Variants in SLC12A9 observed in about 807,000 individuals in gnomAD.
SLC12A9 encodes CCC-interacting protein 1.
Under a neutral mutation model 66.0 loss-of-function variants are expected in SLC12A9, and 55 were observed. The observed-to-expected ratio is 0.83, with a 90% CI of 0.67 to 1.04. The LOEUF (loss-of-function observed/expected upper bound fraction) is 1.04. Ranked by LOEUF, SLC12A9 falls within the 50% of genes least tolerant of loss-of-function variation. SLC12A9 has a pLI of 0.00. For missense variants in SLC12A9, 1,061 were observed against 1,241.9 expected (o/e 0.85, Z 2.19); for synonymous variants, 577 against 569.0 (o/e 1.01, Z -0.20).
At chr7:100,848,101 AAAAAAAAT>A (rs1312164607), upstream of SLC12A9, among the ~76,000 whole-genome samples, 128 of 145,504 alleles carry the variant, frequency 8.8e-4, 1 homozygote, top group African/African-American at 3.5e-3. Context: ...AAAAAAAAAA[AAAAAAAAT>A]AGAAAAAGAT....
chr7:100,855,296 A>C, intron 3 of SLC12A9: 1 of 104,796 alleles, frequency 9.5e-6, no homozygotes, highest in Non-Finnish European at 1.6e-5. Flanking sequence ...TTAATTTTTA[A>C]ATATTTGTAG....
intron 1 of SLC12A9, chr7:100,827,176 G>C (rs555390427): frequency 2.7e-6 from 2 of 750,400 alleles, no homozygotes; most frequent in Non-Finnish European, 3.7e-6. Flanking sequence ...CGAGCGTGCG[G>C]GGCACCGGGC....
rs979184496 is a variant in SLC12A9 at position 100,866,484 on chromosome 7, G to A, written c.2624G>A (p.Arg875Gln). 4.5e-6 allele frequency: 7 copies of A among 1,553,382 alleles called. No individual in the cohort carries two copies. The highest frequency in any genetic ancestry group is 1.4e-5 in the African/African-American group (1 of 73,356). The change falls in exon 14 of 14, where the codon CGG becomes CAG. Residue 875 changes from arginine to glutamine, a missense_variant. Transcript: ENST00000354161. This position sits in a 1 kb window ranked among gnomAD's most constrained non-coding sequence, Gnocchi z 7.3. ...ITALTFLYLPRPPADPARYPR... is the reference protein window; with the variant it reads ...ITALTFLYLPQPPADPARYPR... ...GCCCTCACCTTCCTGTACTTGCCTC[G>A]GCCGCCAGCCGATCCCGCCCGATAC...
chr7:100,863,289 C>T (rs1228053048), intron 13 of SLC12A9, among the ~76,000 whole-genome samples: 2 of 152,086 alleles, frequency 1.3e-5, no homozygotes, highest in African/African-American at 4.8e-5. Flanking sequence ...CAGTGTCGAG[C>T]TCCTGACCTC....
rs549664524 is a variant in SLC12A9, at chr7:100,831,063, T to C, written n.228+4016T>C. 1.4e-4 allele frequency among the ~76,000 whole-genome samples: 22 copies of C among 152,338 alleles called. No individual in the cohort carries two copies. In the South Asian group the frequency reaches 2.5e-3, roughly 17 times the overall value. On this transcript the variant is annotated intron_variant and non_coding_transcript_variant, in intron 1 of 1. Coordinates refer to the SLC12A9 transcript ENST00000461016. ...CTTTGCTGTTCCCTACCCAAAATATTAGGCTGTCACCTTTGTTCCCAGCCC... is the reference window on the plus strand; with the variant it reads ...CTTTGCTGTTCCCTACCCAAAATATCAGGCTGTCACCTTTGTTCCCAGCCC...
chr7:100,860,273 C>A, intron 9 of SLC12A9, 41 bp downstream of exon 9: 2 of 1,597,318 alleles, frequency 1.3e-6, no homozygotes, highest in Middle Eastern at 1.7e-4. Flanking sequence ...CTCACCCCAC[C>A]AGCTGGCAGG....
intron 1 of SLC12A9, among the ~76,000 whole-genome samples, chr7:100,838,546 C>T (rs1813714733): frequency 6.6e-6 from 1 of 152,068 alleles, no homozygotes; most frequent in African/African-American, 2.4e-5. Context: ...GAGACAGAGT[C>T]TCACTCTGTC....
At chr7:100,856,605 C>T (rs1160018685) in intron 4 of SLC12A9, 2 of 451,104 alleles carry the variant, frequency 4.4e-6, no homozygotes, top group Non-Finnish European at 8.0e-6. Flanking sequence ...ACTTCTGCCT[C>T]CCGGGCTCAT....
rs2116621661 is a variant in SLC12A9, at chr7:100,860,059, C to T, written c.1135+17C>T. ...ACCTCTTTGGTGGGTTCTCTGCCTC[C>T]TTGCTGGCTTGGAGCACGCCCTCCC... On this transcript the variant is annotated intron_variant, in intron 8 of 13. Transcript: ENST00000354161. The T allele has an allele frequency of 1.2e-6, 2 of 1,614,162 alleles. No individual in the cohort carries two copies. Among genetic ancestry groups the T allele is most frequent in the East Asian group, 2.2e-5 (1 of 44,882 alleles).
chr7:100,837,892 G>A (rs1263891676), intron 1 of SLC12A9, among the ~76,000 whole-genome samples: 10 of 98,308 alleles, frequency 1.0e-4, no homozygotes, highest in Non-Finnish European at 1.7e-4. Context: ...ACAGAGTCTT[G>A]CTCTGTTGCC....
intron 9 of SLC12A9, 200 bp from the exon 10 acceptor site, chr7:100,860,938 G>T: frequency 1.1e-6 from 1 of 886,708 alleles, no homozygotes; most frequent in Non-Finnish European, 1.8e-6. Context: ...CTTTGGGGGT[G>T]CACTGGCACT....
Position 100,865,929 on chromosome 7 carries a change from C to T in SLC12A9, c.2069C>T (p.Ala690Val), listed in dbSNP as rs1252497409. The T allele has an allele frequency of 4.3e-6, 7 of 1,613,452 alleles. No homozygotes were observed. Among genetic ancestry groups the T allele is most frequent in the Non-Finnish European group, 5.9e-6 (7 of 1,180,002 alleles). The change falls in exon 14 of 14, where the codon GCC becomes GTC. Residue 690 changes from alanine to valine, a missense_variant. By Grantham distance (64) the Ala-to-Val change is moderately conservative (BLOSUM62 0). Transcript: ENST00000354161. ...GACTATGTGGCCACGGTGGCCGACGCCCTCAAGATGAACAAGAATGTGGTG... is the reference window on the plus strand; with the variant it reads ...GACTATGTGGCCACGGTGGCCGACGTCCTCAAGATGAACAAGAATGTGGTG... ...PQDYVATVAD[A>V]LKMNKNVVLA...
rs1428570955 is a variant in SLC12A9 at position 100,866,095 on chromosome 7, C to T, written c.2235C>T (p.Gly745=). 6.2e-6 allele frequency: 10 copies of T among 1,612,918 alleles called. No individual in the cohort carries two copies. The Admixed American group carries it at 1.5e-4, about 24-fold the overall frequency. Residue 745 remains glycine (G), a synonymous_variant, in exon 14 of 14, where the codon GGC becomes GGT. Transcript: ENST00000354161. This position sits in a 1 kb window ranked among gnomAD's most constrained non-coding sequence, Gnocchi z 7.3. ...GGCCCGGCTATGTGGATGTCTGCGG[C>T]CTCTTCCTGCTGCAGATGGCAACCA... The part of the protein sequence containing the change: ...RGGPGYVDVC[G]LFLLQMATIL...
rs1813414647 is a variant in SLC12A9 at position 100,826,910 on chromosome 7, C to T, written n.91C>T. On this transcript the variant is annotated non_coding_transcript_exon_variant, in exon 1 of 2. Transcript: ENST00000461016. ...TAGTCAGAGGCCGGCCCCTCCACTC[C>T]GAGGCCCAGATGTTGGGGGGGAGGT... is the stretch of plus-strand genomic sequence containing the variant. The T allele has an allele frequency of 2.6e-5, 40 of 1,522,346 alleles. No homozygotes were observed. In the South Asian group the frequency reaches 4.8e-4, roughly 18 times the overall value. The allele number at this position is 1,522,346 out of a possible 1,614,324, so 94.3% of individuals were successfully genotyped here.
At chr7:100,839,023 C>T (rs1295611804) in intron 1 of SLC12A9, among the ~76,000 whole-genome samples, 6 of 152,086 alleles carry the variant, frequency 3.9e-5, no homozygotes, top group Non-Finnish European at 8.8e-5. Context: ...GTTGTGAGCC[C>T]TTAAAAAAAG....
intron 5 of SLC12A9, 102 bp downstream of exon 5, chr7:100,857,278 T>G (rs1455370135): frequency 1.5e-6 from 2 of 1,307,250 alleles, no homozygotes; most frequent in Non-Finnish European, 2.1e-6. Context: ...TCAGAGGGAA[T>G]GGAGGGCAGG....
In SLC12A9 at chr7:100,862,827, G is replaced by T; in HGVS notation, c.1858G>T (p.Gly620Cys). The T allele has an allele frequency of 6.2e-7, 1 of 1,613,978 alleles. No homozygotes were observed. Among genetic ancestry groups the T allele is most frequent in the Non-Finnish European group, 8.5e-7 (1 of 1,180,024 alleles). Residue 620 changes from glycine to cysteine, a missense_variant and splice_region_variant, in exon 13 of 14, where the codon GGT (glycine) becomes TGT (cysteine). Gly to Cys is a radical substitution (Grantham distance 159). Transcript: ENST00000354161. ...AQHLLRISGL[G>C]GMKPNTLVLG... The stretch of plus-strand genomic sequence containing the variant: ...GCATCTGCTGCGAATCTCCGGCCTC[G>T]GTGAGCTGCTTCTCCCTGGATGCCC...
intron 1 of SLC12A9, 141 bp from the exon 2 acceptor site, chr7:100,854,015 C>T: frequency 1.9e-6 from 1 of 523,784 alleles, no homozygotes. Flanking sequence ...AGGCATGAAC[C>T]ACCGAGCCTG....
chr7:100,848,434 G>A (rs1412640279), upstream of SLC12A9, among the ~76,000 whole-genome samples: 1 of 151,680 alleles, frequency 6.6e-6, no homozygotes, highest in African/African-American at 2.4e-5. Context: ...GGAGATAGAG[G>A]TTGCTGTGAG....
Sources: allele counts gnomAD v4.1 joint callset (sites outside exome capture counted in the v4.1 genomes callset), GRCh38; gene constraint gnomAD v4.1.1; non-coding constraint Gnocchi (gnomAD v3.1); transcripts MANE v1.5; gene names NCBI Gene and HGNC (gene_info 2026-07-23, HGNC 2026-07-21).